SLC26A5: variants seen among roughly 807,000 people sequenced by gnomAD.
The protein encoded by SLC26A5 is solute carrier family 26 member 5.
SLC26A5 carries 51 observed loss-of-function variants against 81.0 expected under a neutral mutation model. That is an observed-to-expected ratio of 0.63 (90% confidence interval 0.50 to 0.80). The LOEUF is 0.80. Ranked by LOEUF, SLC26A5 falls within the 30% of genes least tolerant of loss-of-function variation. The probability of loss-of-function intolerance (pLI) is 0.00; values close to 1 mark genes in which losing one functional copy is unlikely to be tolerated. For synonymous variants in SLC26A5, 325 were observed against 332.8 expected (o/e 0.98, Z 0.25); for missense variants, 771 against 905.8 (o/e 0.85, Z 1.91).
Position 103,404,957 on chromosome 7 carries a change from T to C in SLC26A5, c.888+2894A>G, listed in dbSNP as rs541259947. Among the ~76,000 whole-genome samples, 3 of 152,226 alleles carry C rather than the reference T, an allele frequency of 2.0e-5. No individual in the cohort carries two copies. In the East Asian group the frequency reaches 5.8e-4, roughly 29 times the overall value. On this transcript the variant is annotated intron_variant, in intron 8 of 19. Transcript: ENST00000306312. ...AGTTGATCTTCAATCTCTGATACCCTTTCTTCTGTTTGATTTGACTATTTA... is the reference window on the plus strand; with the variant it reads ...AGTTGATCTTCAATCTCTGATACCCCTTCTTCTGTTTGATTTGACTATTTA...
intron 19 of SLC26A5, among the ~76,000 whole-genome samples, chr7:103,361,094 C>A (rs1248591520): frequency 2.0e-5 from 3 of 150,818 alleles, no homozygotes; most frequent in Admixed American, 6.6e-5. Flanking sequence ...AGTCTGGGCT[C>A]CAGAGCAAGA....
intron 7 of SLC26A5, among the ~76,000 whole-genome samples, chr7:103,408,462 A>G (rs1289587537): frequency 6.6e-6 from 1 of 152,086 alleles, no homozygotes; most frequent in African/African-American, 2.4e-5. Flanking sequence ...CCTGACCTCA[A>G]GTCATCTGCC....
At chr7:103,395,395 A>G (rs1401426119) in intron 9 of SLC26A5, among the ~76,000 whole-genome samples, 6 of 119,276 alleles carry the variant, frequency 5.0e-5, no homozygotes, top group African/African-American at 1.9e-4. Flanking sequence ...GGGAAGCAGT[A>G]TGTTTGAGTA....
intron 8 of SLC26A5, among the ~76,000 whole-genome samples, chr7:103,404,039 T>G (rs572347921): frequency 4.5e-4 from 68 of 152,154 alleles, no homozygotes; most frequent in African/African-American, 1.6e-3. Context: ...AAAAACTAGC[T>G]GGGCGTGGTG....
downstream of SLC26A5, among the ~76,000 whole-genome samples, chr7:103,372,820 G>C (rs1202889675): frequency 1.4e-5 from 2 of 144,850 alleles, no homozygotes; most frequent in African/African-American, 5.1e-5. Context: ...ATAATGGATT[G>C]AAACCCATTA....
intron 19 of SLC26A5, among the ~76,000 whole-genome samples, chr7:103,364,822 A>G (rs1416651001): frequency 6.6e-6 from 1 of 152,042 alleles, no homozygotes; most frequent in East Asian, 1.9e-4. Flanking sequence ...CAAAAGGGTG[A>G]CATTTTCTAC....
At chr7:103,439,472 C>G (rs543160452) in intron 2 of SLC26A5, among the ~76,000 whole-genome samples, 1 of 152,176 alleles carries the variant, frequency 6.6e-6, no homozygotes, top group African/African-American at 2.4e-5. Context: ...ATTTTCTTTA[C>G]CTTCCCACCT....
At chr7:103,369,910 A>C (rs1820933637), downstream of SLC26A5, among the ~76,000 whole-genome samples, 1 of 152,222 alleles carries the variant, frequency 6.6e-6, no homozygotes, top group Non-Finnish European at 1.5e-5. Flanking sequence ...AGTGAAATGC[A>C]ATACACCAGT....
intron 19 of SLC26A5, chr7:103,364,439 C>CAACAAA: frequency 6.0e-6 from 6 of 994,428 alleles, no homozygotes; most frequent in Non-Finnish European, 8.8e-6. Context: ...GACAGAGTCT[C>CAACAAA]ATTGTGTTGC....
chr7:103,408,163 G>A (rs1465950843), intron 7 of SLC26A5, among the ~76,000 whole-genome samples, 160 bp from the exon 8 acceptor site: 1 of 152,132 alleles, frequency 6.6e-6, no homozygotes, highest in Non-Finnish European at 1.5e-5. Flanking sequence ...TACCAATTAG[G>A]AGGCATTTTT....
chr7:103,364,020 T>A, intron 19 of SLC26A5: 4 of 909,394 alleles, frequency 4.4e-6, no homozygotes, highest in Non-Finnish European at 6.5e-6. Flanking sequence ...TAATTTTGAT[T>A]TAAATATTAA....
chr7:103,425,407 A>G (rs948338598), intron 2 of SLC26A5, among the ~76,000 whole-genome samples: 7 of 152,226 alleles, frequency 4.6e-5, no homozygotes, highest in East Asian at 1.9e-4. Flanking sequence ...GCATTTCTTT[A>G]TAGCATCCTA....
intron 2 of SLC26A5, among the ~76,000 whole-genome samples, chr7:103,427,406 T>C (rs780227082): frequency 3.0e-4 from 46 of 152,048 alleles, no homozygotes; most frequent in Non-Finnish European, 6.0e-4. Flanking sequence ...TCTAAATTTA[T>C]CGTAACTCCC....
intron 1 of SLC26A5, chr7:103,445,775 G>A (rs949119004): frequency 6.6e-6 from 1 of 152,584 alleles, no homozygotes; most frequent in Admixed American, 6.5e-5. Flanking sequence ...AAACGGCGAA[G>A]GGCTGGATTA....
chr7:103,442,263 G>A (rs1483627200), intron 2 of SLC26A5, among the ~76,000 whole-genome samples: 3 of 151,956 alleles, frequency 2.0e-5, no homozygotes, highest in Admixed American at 6.6e-5. Flanking sequence ...TCAGCCTCCC[G>A]AGTAGTTGGG....
At chr7:103,441,201 C>T (rs900858993) in intron 2 of SLC26A5, among the ~76,000 whole-genome samples, 1 of 152,304 alleles carries the variant, frequency 6.6e-6, no homozygotes, top group Non-Finnish European at 1.5e-5. Context: ...AATGCCTTTC[C>T]ATTTTTGCTC....
intron 8 of SLC26A5, among the ~76,000 whole-genome samples, chr7:103,400,583 T>C (rs1179830697): frequency 2.0e-5 from 3 of 152,236 alleles, no homozygotes; most frequent in African/African-American, 7.2e-5. Context: ...TAGATCCCAT[T>C]TGTCAATTTG....
chr7:103,364,314 T>C, intron 19 of SLC26A5: 1 of 1,613,640 alleles, frequency 6.2e-7, no homozygotes, highest in African/African-American at 1.3e-5. Flanking sequence ...TGAGGTAAAG[T>C]AAATTTATCA....
In SLC26A5 at chr7:103,443,907, T is replaced by A. The variant is rs2041004; in HGVS notation, c.-182-696A>T. Among the ~76,000 whole-genome samples the A allele has an allele frequency of 8.8e-4, 134 of 152,250 alleles. 1 individual carries two copies. Among genetic ancestry groups the A allele is most frequent in the Admixed American group, 4.7e-3 (72 of 15,298 alleles). ...TCTGAAAGGTGTACAAGATTTTGAATGGGTGAGCTTTTTTATTTTTTTTCT... is the reference window on the plus strand; with the variant it reads ...TCTGAAAGGTGTACAAGATTTTGAAAGGGTGAGCTTTTTTATTTTTTTTCT... On this transcript the variant is annotated intron_variant, in intron 1 of 19. Transcript: ENST00000306312.
Sources: allele counts gnomAD v4.1 joint callset (sites outside exome capture counted in the v4.1 genomes callset), GRCh38; gene constraint gnomAD v4.1.1; transcripts MANE v1.5; gene names NCBI Gene and HGNC (gene_info 2026-07-23, HGNC 2026-07-21).